The following RC3H1 variants were observed in gnomAD, a reference collection of about 807,000 sequenced individuals.
RC3H1 encodes roquin-1.
A neutral mutation model predicts 138.2 loss-of-function variants in RC3H1; 50 were observed. The ratio of observed to expected loss-of-function variants is 0.36; its 90% CI spans 0.29 to 0.46. The LOEUF is 0.46. Among genes scored for constraint, RC3H1 ranks in the 20% least tolerant of loss-of-function variants. The pLI, the probability that RC3H1 is intolerant of heterozygous loss-of-function variation, is 1.00. For synonymous variants in RC3H1, 462 were observed against 489.1 expected (o/e 0.94, Z 0.73); for missense variants, 1,031 against 1,388.1 (o/e 0.74, Z 4.09).
intron 1 of RC3H1, among the ~76,000 whole-genome samples, chr1:174,012,559 G>A (rs918736597): frequency 3.3e-5 from 5 of 151,802 alleles, no homozygotes; most frequent in Admixed American, 6.6e-5. Context: ...CGGGGCAGGC[G>A]GATCATGAGG....
At chr1:173,969,603 C>A (rs1275641242) in intron 9 of RC3H1, among the ~76,000 whole-genome samples, 1 of 151,872 alleles carries the variant, frequency 6.6e-6, no homozygotes, top group African/African-American at 2.4e-5. Context: ...TGTGGTGGCT[C>A]CTGCCTGTAA....
intron 2 of RC3H1, 89 bp from the exon 3 acceptor site, chr1:173,984,708 G>T: frequency 1.5e-6 from 2 of 1,327,616 alleles, no homozygotes; most frequent in South Asian, 3.2e-5. Flanking sequence ...TGCTGACACT[G>T]GTAACATCAA....
At chr1:174,003,185 G>A (rs541468466) in intron 1 of RC3H1, among the ~76,000 whole-genome samples, 38 of 151,996 alleles carry the variant, frequency 2.5e-4, no homozygotes, top group Non-Finnish European at 5.0e-4. Context: ...TCAGGAGTTC[G>A]AGACCAGCCT....
At position 173,982,699 on chromosome 1, in the gene RC3H1, C is replaced by T. The variant is rs1429604662; in HGVS notation, c.768+28G>A. 2.6e-6 allele frequency: 4 copies of T among 1,527,648 alleles called. No individual in the cohort carries two copies. In the African/African-American group the frequency reaches 4.2e-5, roughly 16 times the overall value. The allele number at this position is 1,527,648 out of a possible 1,614,324, so 94.6% of individuals were successfully genotyped here. ...TTGGGGAAAGAACAATATTTCCTTTCAAGCTGAGCTTTAATGTAGGTTCAT... is the reference window on the plus strand; with the variant it reads ...TTGGGGAAAGAACAATATTTCCTTTTAAGCTGAGCTTTAATGTAGGTTCAT... On this transcript the variant is annotated intron_variant, in intron 5 of 19. Transcript: ENST00000367696.
intron 18 of RC3H1, among the ~76,000 whole-genome samples, chr1:173,942,193 G>T (rs1468069459): frequency 6.6e-6 from 1 of 150,804 alleles, no homozygotes; most frequent in Non-Finnish European, 1.5e-5. Flanking sequence ...AGCGAGCTGA[G>T]ATCGTGCCAC....
At chr1:174,012,310 T>A (rs2103097535) in intron 1 of RC3H1, among the ~76,000 whole-genome samples, 1 of 152,242 alleles carries the variant, frequency 6.6e-6, no homozygotes, top group South Asian at 2.1e-4. Context: ...TTAGGATAAA[T>A]TTCCTCATTT....
Position 173,949,122 on chromosome 1 carries a change from ATT to A in RC3H1, c.2524-1542_2524-1541del, listed in dbSNP as rs1412213094. On this transcript the variant is annotated intron_variant, in intron 14 of 19. Coordinates refer to ENST00000367696, the MANE Select transcript of RC3H1 (RefSeq NM_172071.4). The stretch of plus-strand genomic sequence containing the variant: ...GCTTTTTCTTCCTCTAAAACTCTCT[ATT>A]TTTTTGGGGGGGGGGGTGGGGCTGG... Among the ~76,000 whole-genome samples the A allele has an allele frequency of 8.4e-3, 540 of 64,192 alleles. 8 individuals are homozygous for A. The highest frequency in any genetic ancestry group is 0.045 in the African/African-American group (521 of 11,564). 42.1% of individuals were successfully genotyped at this position (64,192 alleles called of 152,430 possible).
At position 173,932,285 on chromosome 1, in the gene RC3H1, G is replaced by A. The variant is rs2102808701; in HGVS notation, c.*6436C>T. ...AAAATCCACCCAAAAAGGTGATAATGACTGCAGAATGTCTCGGGGAGACTG... is the reference window on the plus strand; with the variant it reads ...AAAATCCACCCAAAAAGGTGATAATAACTGCAGAATGTCTCGGGGAGACTG... On this transcript the variant is annotated 3_prime_UTR_variant, in exon 20 of 20. Transcript: ENST00000367696. The A allele has an allele frequency of 6.6e-6, 1 of 152,014 alleles. No individual in the cohort carries two copies. Among genetic ancestry groups the A allele is most frequent in the Middle Eastern group, 3.4e-3 (1 of 294 alleles). 9.4% of individuals were successfully genotyped at this position (152,014 alleles called of 1,614,324 possible). A position where few individuals can be genotyped will look rare whatever the true frequency, so the allele number is the denominator to read the frequency against.
At chr1:173,945,515 C>T (rs533148572) in intron 17 of RC3H1, among the ~76,000 whole-genome samples, 5 of 152,172 alleles carry the variant, frequency 3.3e-5, no homozygotes, top group South Asian at 4.1e-4. Flanking sequence ...GACTTGGGTT[C>T]GTGTTTCAAC....
At chr1:173,955,420 T>C (rs960440083) in intron 13 of RC3H1, among the ~76,000 whole-genome samples, 37 of 147,930 alleles carry the variant, frequency 2.5e-4, no homozygotes, top group Admixed American at 4.7e-4. Context: ...CAGGTTCACG[T>C]CATTCTCTCA....
intron 14 of RC3H1, among the ~76,000 whole-genome samples, chr1:173,948,695 C>T (rs1659242970): frequency 6.6e-6 from 1 of 152,016 alleles, no homozygotes; most frequent in East Asian, 1.9e-4. Flanking sequence ...CTCAAGCGAT[C>T]CTCCTGCCTC....
intron 19 of RC3H1, 58 bp downstream of exon 19, chr1:173,941,207 T>C (rs1056326736): frequency 3.2e-6 from 3 of 939,118 alleles, no homozygotes; most frequent in Non-Finnish European, 5.2e-6. Context: ...CTGGATAATA[T>C]ATTAGTTTCT....
chr1:173,936,744 TATATATATATATATATA>T lies in RC3H1; in HGVS notation c.*1960_*1976del, dbSNP rs1244893176. On this transcript the variant is annotated 3_prime_UTR_variant, in exon 20 of 20. Transcript: ENST00000367696. ...GAAAAAGCATACATATATATATATA[TATATATATATATATATA>T]TTTTTTTTTTTTTTTTTAAAAAAAG... 451 of 45,024 alleles carry T rather than the reference TATATATATATATATATA, an allele frequency of 0.01. 8 individuals carry two copies. In the African/African-American group the frequency reaches 0.1, roughly 10 times the overall value. 2.8% of individuals were successfully genotyped at this position (45,024 alleles called of 1,614,324 possible).
chr1:174,010,968 T>C (rs1376432098), intron 1 of RC3H1, among the ~76,000 whole-genome samples: 1 of 152,166 alleles, frequency 6.6e-6, no homozygotes, highest in Admixed American at 6.5e-5. Context: ...ATGTCAATCA[T>C]GGGGGAATAG....
chr1:173,982,990 G>C, intron 4 of RC3H1, 88 bp from the exon 5 acceptor site: 1 of 1,217,602 alleles, frequency 8.2e-7, no homozygotes, highest in East Asian at 2.4e-5. Context: ...AATCATTTCT[G>C]CAGCTATTCA....
chr1:173,964,264 C>A, intron 10 of RC3H1, 77 bp from the exon 11 acceptor site: 1 of 1,251,994 alleles, frequency 8.0e-7, no homozygotes, highest in African/African-American at 1.5e-5. Flanking sequence ...AAAAAGATTG[C>A]TACAATTTGG....
At position 173,958,834 on chromosome 1, in the gene RC3H1, ACTAT is replaced by A. The variant is rs1659753840; in HGVS notation, c.2370+2239_2370+2242del. Among the ~76,000 whole-genome samples, 3 of 150,834 alleles carry A rather than the reference ACTAT, an allele frequency of 2.0e-5. No individual in the cohort carries two copies. In the South Asian group the frequency reaches 6.2e-4, roughly 31 times the overall value. On this transcript the variant is annotated intron_variant, in intron 13 of 19. Transcript: ENST00000367696. ...TGACTGTTTTTTTTTTCTGATTTTC[ACTAT>A]CTATATTTACCTGTTTTTTCCTATT... is the stretch of plus-strand genomic sequence containing the variant.
intron 1 of RC3H1, among the ~76,000 whole-genome samples, chr1:174,007,905 T>G (rs1279533861): frequency 1.3e-5 from 2 of 152,332 alleles, no homozygotes; most frequent in East Asian, 3.9e-4. Flanking sequence ...AGATTTTGAA[T>G]GCAGCAGATT....
intron 19 of RC3H1, 140 bp downstream of exon 19, chr1:173,941,125 A>G (rs527380566): frequency 4.6e-6 from 3 of 645,216 alleles, no homozygotes; most frequent in African/African-American, 3.7e-5. Flanking sequence ...GGCCGCAAAA[A>G]TATTCTTTAT....
Sources: allele counts gnomAD v4.1 joint callset (sites outside exome capture counted in the v4.1 genomes callset), GRCh38; gene constraint gnomAD v4.1.1; transcripts MANE v1.5; gene names NCBI Gene and HGNC (gene_info 2026-07-23, HGNC 2026-07-21).